Variants in PKD2L2 observed in about 807,000 individuals in gnomAD.
PKD2L2 encodes the protein polycystin-2-like protein 2.
Under a neutral mutation model 83.9 loss-of-function variants are expected in PKD2L2, and 67 were observed. The ratio of observed to expected loss-of-function variants is 0.80; its 90% confidence interval spans 0.66 to 0.98. PKD2L2 has a LOEUF of 0.98. Among genes scored for constraint, PKD2L2 ranks in the 50% least tolerant of loss-of-function variants. The pLI is 0.00. For synonymous variants in PKD2L2, 223 were observed against 237.8 expected (o/e 0.94, Z 0.57); for missense variants, 632 against 717.2 (o/e 0.88, Z 1.36).
At chr5:137,941,364 A>G (rs1037699282) in intron 14 of PKD2L2, among the ~76,000 whole-genome samples, 7 of 152,204 alleles carry the variant, frequency 4.6e-5, no homozygotes, top group African/African-American at 1.4e-4. Flanking sequence ...GGCCTGAGAT[A>G]ACTGAACCCA....
chr5:137,939,453 A>G (rs1251396669), intron 14 of PKD2L2: 1 of 152,906 alleles, frequency 6.5e-6, no homozygotes, highest in East Asian at 1.9e-4. Context: ...AAATCACACC[A>G]TTGCCAGCGG....
At chr5:137,927,271 G>A (rs1759451161) in intron 12 of PKD2L2, among the ~76,000 whole-genome samples, 3 of 152,156 alleles carry the variant, frequency 2.0e-5, no homozygotes, top group Admixed American at 2.0e-4. Flanking sequence ...TGCCTGATAG[G>A]AGGCCATGAG....
intron 2 of PKD2L2, among the ~76,000 whole-genome samples, chr5:137,891,483 A>AT (rs917706000): frequency 4.6e-5 from 7 of 151,970 alleles, no homozygotes. Context: ...AAAAAAAAAA[A>AT]GATAACTGTA....
intron 4 of PKD2L2, among the ~76,000 whole-genome samples, chr5:137,894,831 C>T (rs1336575271): frequency 6.6e-6 from 1 of 152,066 alleles, no homozygotes; most frequent in Non-Finnish European, 1.5e-5. Context: ...TTTTTTCTGA[C>T]TTTGGTATAT....
chr5:137,941,946 T>C, intron 14 of PKD2L2: 7 of 1,612,050 alleles, frequency 4.3e-6, no homozygotes, highest in Non-Finnish European at 5.9e-6. Context: ...CAACAAACCT[T>C]CCATTTTGTT....
At chr5:137,929,387 G>A (rs928498918) in intron 12 of PKD2L2, among the ~76,000 whole-genome samples, 1 of 151,334 alleles carries the variant, frequency 6.6e-6, no homozygotes, top group African/African-American at 2.4e-5. Flanking sequence ...CTTGAACCTG[G>A]GAGGCGGAGG....
chr5:137,903,749 T>C (rs192063581), intron 5 of PKD2L2, among the ~76,000 whole-genome samples: 1 of 152,220 alleles, frequency 6.6e-6, no homozygotes, highest in Non-Finnish European at 1.5e-5. Context: ...CTACATTTTT[T>C]ATTTTTTTAT....
intron 5 of PKD2L2, among the ~76,000 whole-genome samples, chr5:137,904,765 T>TA (rs1405920197): frequency 1.3e-5 from 2 of 152,012 alleles, no homozygotes; most frequent in African/African-American, 4.8e-5. Context: ...ACCTAAAAGT[T>TA]AAAAAAAATT....
At chr5:137,919,861 G>C (rs1009216502) in intron 8 of PKD2L2, among the ~76,000 whole-genome samples, 1 of 152,168 alleles carries the variant, frequency 6.6e-6, no homozygotes, top group African/African-American at 2.4e-5. Flanking sequence ...AGCAATAAGG[G>C]ACAAGCAGGC....
chr5:137,920,127 G>A (rs191564023), intron 8 of PKD2L2, among the ~76,000 whole-genome samples: 235 of 152,116 alleles, frequency 1.5e-3, no homozygotes, highest in Admixed American at 9.8e-4. Flanking sequence ...CGCTTGAACC[G>A]GGAAGATGGA....
intron 13 of PKD2L2, 127 bp downstream of exon 13, chr5:137,936,036 T>A (rs984548849): frequency 1.5e-6 from 1 of 673,592 alleles, no homozygotes; most frequent in African/African-American, 1.8e-5. Context: ...TTACTTTCTA[T>A]CCAGTTTTAA....
intron 14 of PKD2L2, chr5:137,940,461 T>G (rs1369567682): frequency 2.8e-6 from 2 of 710,006 alleles, no homozygotes; most frequent in Non-Finnish European, 4.6e-6. Context: ...AATAAAAAGT[T>G]GTTCTGTTAA....
chr5:137,942,528 T>A lies in PKD2L2; in HGVS notation c.*162T>A, dbSNP rs1762171148. The A allele has an allele frequency of 4.4e-6, 1 of 224,918 alleles. No individual in the cohort carries two copies. The highest frequency in any genetic ancestry group is 8.7e-6 in the Non-Finnish European group (1 of 115,248). The allele number at this position is 224,918 out of a possible 1,614,324, so 13.9% of individuals were successfully genotyped here. On this transcript the variant is annotated 3_prime_UTR_variant, in exon 15 of 15. Coordinates refer to ENST00000508883, the MANE Select transcript of PKD2L2 (RefSeq NM_001300921.2). ...CGCGAACACCACCACCCCTGGCTAA[T>A]TTAAACAAAATTTTTATACAGTCTG...
chr5:137,900,373 GA>G (rs1756852411), intron 5 of PKD2L2, among the ~76,000 whole-genome samples: 1 of 152,200 alleles, frequency 6.6e-6, no homozygotes, highest in South Asian at 2.1e-4. Flanking sequence ...GCAATATCAT[GA>G]ACCTTTAATA....
At chr5:137,915,381 G>A (rs1758232105) in intron 8 of PKD2L2, among the ~76,000 whole-genome samples, 1 of 151,568 alleles carries the variant, frequency 6.6e-6, no homozygotes, top group African/African-American at 2.4e-5. Flanking sequence ...TTCTTTGTTG[G>A]GAGGTTTTTA....
At chr5:137,900,436 C>A (rs902401599) in intron 5 of PKD2L2, among the ~76,000 whole-genome samples, 3 of 152,126 alleles carry the variant, frequency 2.0e-5, no homozygotes, top group African/African-American at 7.2e-5. Flanking sequence ...GGTGCTCCCA[C>A]AAAGTAGAGA....
At chr5:137,913,032 G>A (rs2349556) in intron 8 of PKD2L2, among the ~76,000 whole-genome samples, 46,838 of 150,316 alleles carry the variant, frequency 0.31, 7,463 homozygotes, top group South Asian at 0.37. Context: ...TCAAACTCCC[G>A]GCCTTCATTT....
chr5:137,896,184 A>C (rs920716581), intron 4 of PKD2L2, among the ~76,000 whole-genome samples: 1 of 152,118 alleles, frequency 6.6e-6, no homozygotes. Context: ...GTCTCAAAAA[A>C]AAAAAAAAAT....
At chr5:137,893,555 A>G (rs1333441434) in intron 3 of PKD2L2, among the ~76,000 whole-genome samples, 1 of 152,170 alleles carries the variant, frequency 6.6e-6, no homozygotes, top group Admixed American at 6.5e-5. Context: ...TGAATCAGGG[A>G]TGGGTATTTT....
Sources: gnomAD v4.1 joint callset for allele counts (sites outside exome capture counted in the v4.1 genomes callset) on GRCh38, gnomAD v4.1.1 for gene constraint, MANE v1.5 for transcripts, NCBI Gene and HGNC (gene_info 2026-07-23, HGNC 2026-07-21) for gene names.